Variants in PLA2G4F observed in about 807,000 individuals in gnomAD.
The protein encoded by PLA2G4F is cytosolic phospholipase A2 zeta.
In PLA2G4F, 105 loss-of-function variants were observed where a neutral mutation model predicts 103.1. The ratio of observed to expected loss-of-function variants is 1.02; its 90% CI spans 0.87 to 1.20. The LOEUF is 1.20. Ranked by LOEUF, PLA2G4F falls within the 50% of genes most tolerant of loss-of-function variation. The pLI is 0.00. For missense variants in PLA2G4F, 1,155 were observed against 1,075.9 expected, an observed-to-expected ratio of 1.07 and a Z score of -1.03; for synonymous variants, 468 against 441.1, an observed-to-expected ratio of 1.06 and a Z score of -0.76.
Position 42,142,209 on chromosome 15 carries a change from G to A in PLA2G4F, c.2330-5C>T. ...CAGCTGTTTGTCGCTCCACACCTGT[G>A]GGTGGGGGAAGCAGAGGAGAGGCCA... On this transcript the variant is annotated splice_polypyrimidine_tract_variant and splice_region_variant and intron_variant, in intron 19 of 19. Coordinates refer to ENST00000397272, the MANE Select transcript of PLA2G4F (RefSeq NM_213600.4). 1 of 1,606,790 alleles carries A rather than the reference G, an allele frequency of 6.2e-7. No homozygotes were observed. Among genetic ancestry groups the A allele is most frequent in the Middle Eastern group, 1.7e-4 (1 of 6,004 alleles).
rs1418593930 is a variant in PLA2G4F at position 42,141,995 on chromosome 15, C to T, written c.2539G>A (p.Ala847Thr). The change falls in exon 20 of 20, where the codon GCA becomes ACA. Residue 847 changes from alanine (A) to threonine (T), a missense_variant. Coordinates refer to ENST00000397272, the MANE Select transcript of PLA2G4F (RefSeq NM_213600.4). ...ALDRHQARER[A>T]GA is the part of the protein sequence containing the mutation. ...GCTTCCTGCCTTGGTCAGGCCCCTG[C>T]CCTCTCCCGAGCCTGGTGCCGGTCC... 6.8e-6 allele frequency: 11 copies of T among 1,613,576 alleles called. No homozygotes were observed. Among genetic ancestry groups the T allele is most frequent in the South Asian group, 1.1e-5 (1 of 91,048 alleles).
At chr15:42,142,335 G>A in intron 19 of PLA2G4F, 131 bp from the exon 20 acceptor site, 1 of 1,149,718 alleles carries the variant, frequency 8.7e-7, no homozygotes, top group Non-Finnish European at 1.2e-6. Context: ...CCACATCTCA[G>A]CTCTCAGACC....
intron 14 of PLA2G4F, 79 bp downstream of exon 14, chr15:42,146,048 G>T: frequency 6.3e-7 from 1 of 1,582,886 alleles, no homozygotes; most frequent in Non-Finnish European, 8.7e-7. Flanking sequence ...ACCTCCTCTG[G>T]GTACCCTGAT....
chr15:42,148,745 T>C (rs964174275), intron 11 of PLA2G4F: 17 of 985,270 alleles, frequency 1.7e-5, no homozygotes, highest in Non-Finnish European at 6.0e-6. Flanking sequence ...GTCCATGCTT[T>C]TGGTTGCTTA....
intron 14 of PLA2G4F, 21 bp from the exon 15 acceptor site, chr15:42,145,924 A>C (rs1566878647): frequency 6.2e-7 from 1 of 1,612,550 alleles, no homozygotes; most frequent in Non-Finnish European, 8.5e-7. Context: ...GAGTGAAGGG[A>C]AAGTCACCAG....
chr15:42,142,748 C>T, intron 18 of PLA2G4F, 34 bp from the exon 19 acceptor site: 13 of 1,611,528 alleles, frequency 8.1e-6, no homozygotes, highest in Non-Finnish European at 1.1e-5. Context: ...TCTGCCTTTC[C>T]TCCACCCTGG....
In PLA2G4F at chr15:42,155,499, GGA is replaced by G; in HGVS notation, c.184+16_184+17del. On this transcript the variant is annotated intron_variant, in intron 2 of 19. Transcript: ENST00000397272. ...GCAGGGAAAGGACAGAGAGAAGGAT[GGA>G]GATGGGGTCACTCACGCAGGTCTGT... 1.9e-6 allele frequency: 3 copies of G among 1,613,290 alleles called. No homozygotes were observed. Among genetic ancestry groups the G allele is most frequent in the Non-Finnish European group, 2.5e-6 (3 of 1,179,220 alleles).
rs681264 is a variant in PLA2G4F, at chr15:42,143,845, G to A, written c.2142+133C>T. 0.41 allele frequency: 493,035 copies of A among 1,193,526 alleles called. 106,681 individuals are homozygous for A. The highest frequency in any genetic ancestry group is 0.66 in the East Asian group (26,996 of 41,080). The allele number at this position is 1,193,526 out of a possible 1,614,324, so 73.9% of individuals were successfully genotyped here. On this transcript the variant is annotated intron_variant, in intron 18 of 19. Coordinates refer to ENST00000397272, the MANE Select transcript of PLA2G4F (RefSeq NM_213600.4). ...CCCTCACACACAGAGTGGAACCCAG[G>A]CCGTCCACAAAGGGCAATCCCCACA...
chr15:42,147,800 C>T (rs1177988342), intron 11 of PLA2G4F, 38 bp from the exon 12 acceptor site: 2 of 1,610,104 alleles, frequency 1.2e-6, no homozygotes, highest in African/African-American at 2.7e-5. Context: ...ACTCCGACTA[C>T]CACCGTCATT....
At chr15:42,149,943 G>C (rs1314206351) in intron 10 of PLA2G4F, 95 bp from the exon 11 acceptor site, 3 of 1,536,710 alleles carry the variant, frequency 2.0e-6, no homozygotes, top group African/African-American at 2.7e-5. Flanking sequence ...CACAGGAGCA[G>C]GTCCAAGGGA....
At chr15:42,147,408 G>A in intron 12 of PLA2G4F, 62 bp from the exon 13 acceptor site, 1 of 1,514,214 alleles carries the variant, frequency 6.6e-7, no homozygotes, top group South Asian at 1.1e-5. Context: ...AGAGAGGGGT[G>A]CAGAGTCTGT....
chr15:42,147,803 C>G (rs774252634), intron 11 of PLA2G4F, 41 bp from the exon 12 acceptor site: 3 of 1,608,986 alleles, frequency 1.9e-6, no homozygotes, highest in Admixed American at 1.7e-5. Context: ...CCGACTACCA[C>G]CGTCATTGAC....
chr15:42,150,206 C>T, intron 9 of PLA2G4F, 65 bp from the exon 10 acceptor site: 3 of 1,606,442 alleles, frequency 1.9e-6, no homozygotes, highest in African/African-American at 1.3e-5. Flanking sequence ...AAATGGCTCC[C>T]CCACCTGCAG....
chr15:42,147,375 G>T, intron 12 of PLA2G4F, 29 bp from the exon 13 acceptor site: 1 of 1,585,966 alleles, frequency 6.3e-7, no homozygotes, highest in South Asian at 1.1e-5. Context: ...CCTGAGTCAG[G>T]GGCAGGAGAG....
chr15:42,142,863 T>C, intron 18 of PLA2G4F, 149 bp from the exon 19 acceptor site: 1 of 826,418 alleles, frequency 1.2e-6, no homozygotes, highest in Non-Finnish European at 1.9e-6. Context: ...TCTGAGCTGG[T>C]TTCTCATGTG....
Position 42,150,669 on chromosome 15 carries a change from A to C in PLA2G4F, c.710T>G (p.Val237Gly), listed in dbSNP as rs1421458982. 1.9e-6 allele frequency: 3 copies of C among 1,613,816 alleles called. No homozygotes were observed. The highest frequency in any genetic ancestry group is 2.5e-6 in the Non-Finnish European group (3 of 1,179,920). ...TAGCCTGGAGCTCAGCACTGGGTTC[A>C]CGTGGAAGGTAAAGGTGGGTGGGAG... Reference protein sequence around the residue: ...PGLPPTFTFHVNPVLSSRLHV... With the variant: ...PGLPPTFTFHGNPVLSSRLHV... Residue 237 changes from valine to glycine, a missense_variant, in exon 8 of 20, where the codon GTG becomes GGG. Coordinates refer to ENST00000397272, the MANE Select transcript of PLA2G4F (RefSeq NM_213600.4).
At chr15:42,149,683 C>A (rs2048932627) in intron 11 of PLA2G4F, 30 bp downstream of exon 11, 1 of 1,613,348 alleles carries the variant, frequency 6.2e-7, no homozygotes, top group Admixed American at 1.7e-5. Flanking sequence ...CCTAGAGGCT[C>A]TGGGGTCCAG....
At chr15:42,155,621 G>C in intron 1 of PLA2G4F, 32 bp from the exon 2 acceptor site, 2 of 1,599,080 alleles carry the variant, frequency 1.3e-6, no homozygotes, top group Non-Finnish European at 1.7e-6. Flanking sequence ...GACTCAGTCA[G>C]CTAGTGTGAG....
intron 19 of PLA2G4F, among the ~76,000 whole-genome samples, 159 bp downstream of exon 19, chr15:42,142,369 T>C (rs1369486237): frequency 6.6e-6 from 1 of 152,226 alleles, no homozygotes; most frequent in African/African-American, 2.4e-5. Flanking sequence ...TGGCCCCATC[T>C]GAACGCTGAG....
Sources: allele counts gnomAD v4.1 joint callset (sites outside exome capture counted in the v4.1 genomes callset), GRCh38; gene constraint gnomAD v4.1.1; transcripts MANE v1.5; gene names NCBI Gene and HGNC (gene_info 2026-07-23, HGNC 2026-07-21).